Variants in RGS1 observed in about 807,000 individuals in gnomAD.
The protein encoded by RGS1 is regulator of G protein signaling 1.
In RGS1, 11 loss-of-function variants were observed where a neutral mutation model predicts 22.2. The observed-to-expected ratio is 0.50, with a 90% CI of 0.31 to 0.82. RGS1 has a LOEUF of 0.82. Ranked by LOEUF, RGS1 falls within the 40% of genes least tolerant of loss-of-function variation. The probability of loss-of-function intolerance (pLI) is 0.04; values close to 1 mark genes in which losing one functional copy is unlikely to be tolerated. For missense variants in RGS1, 255 were observed against 245.8 expected (o/e 1.04, Z -0.25); for synonymous variants, 81 against 79.9 (o/e 1.01, Z -0.07).
intron 3 of RGS1, chr1:192,577,521 C>A (rs1184942305): frequency 6.6e-6 from 1 of 152,058 alleles, no homozygotes; most frequent in Non-Finnish European, 1.5e-5. Flanking sequence ...AGATTAGGAC[C>A]TTTTTCAGAG....
chr1:192,575,796 C>T lies in RGS1; in HGVS notation c.4C>T (p.Arg2Cys), dbSNP rs199651205. M[R>C]AAAISTPKLD... ...GCGCATATTTGCTAAGAGCACCATG[C>T]GCGCAGCAGCCATCTCCACTCCAAA... Residue 2 changes from arginine (R) to cysteine (C), a missense_variant, in exon 1 of 5, where the codon CGC becomes TGC. Transcript: ENST00000367459. 30 of 1,612,880 alleles carry T rather than the reference C, an allele frequency of 1.9e-5. No individual in the cohort carries two copies. Among genetic ancestry groups the T allele is most frequent in the Non-Finnish European group, 2.3e-5 (27 of 1,179,224 alleles).
At chr1:192,577,033 C>T (rs1367176357) in intron 3 of RGS1, 198 bp downstream of exon 3, 3 of 420,120 alleles carry the variant, frequency 7.1e-6, no homozygotes, top group Non-Finnish European at 8.4e-6. Flanking sequence ...TCCTTTTAGA[C>T]AAATTTGCCA....
Position 192,579,229 on chromosome 1 carries a change from T to C in RGS1, c.537T>C (p.Tyr179=), listed in dbSNP as rs118185025. The stretch of plus-strand genomic sequence containing the variant: ...TTGATGAAGCACAAAAAGTCATATA[T>C]ACTCTTATGGAAAAGGACTCTTATC... ...TCFDEAQKVI[Y]TLMEKDSYPR... is the part of the protein sequence containing the mutation. Residue 179 remains tyrosine, a synonymous_variant, in exon 5 of 5, where the codon TAT becomes TAC. Coordinates refer to ENST00000367459, the MANE Select transcript of RGS1 (RefSeq NM_002922.4). 1.5e-3 allele frequency: 2,377 copies of C among 1,613,334 alleles called. 50 individuals are homozygous for C. In the East Asian group the frequency reaches 0.034, roughly 23 times the overall value.
chr1:192,578,094 T>C (rs931117192), intron 3 of RGS1, 128 bp from the exon 4 acceptor site: 1 of 1,079,824 alleles, frequency 9.3e-7, no homozygotes, highest in Admixed American at 2.6e-5. Context: ...ATTTCAGCAG[T>C]AGCTGTCTCT....
intron 2 of RGS1, 29 bp from the exon 3 acceptor site, chr1:192,576,745 C>T (rs1361779297): frequency 1.9e-6 from 3 of 1,589,980 alleles, no homozygotes; most frequent in East Asian, 2.3e-5. Flanking sequence ...TAAAAATTGA[C>T]TAATGTATGT....
chr1:192,577,858 T>C (rs575580371), intron 3 of RGS1: 2 of 194,964 alleles, frequency 1.0e-5, no homozygotes, highest in East Asian at 2.6e-4. Context: ...AGTGTTTGCT[T>C]TCCTAAAATA....
intron 4 of RGS1, chr1:192,578,700 GA>G: frequency 2.2e-6 from 1 of 453,994 alleles, no homozygotes; most frequent in Non-Finnish European, 3.8e-6. Context: ...TTTTGGATAA[GA>G]AAATGCAGAT....
rs371716956 is a variant in RGS1 at position 192,576,378 on chromosome 1, A to T, written c.218+13A>T. Reference sequence around the variant, plus strand: ...AGTCCAAGGATGTGTAAGTACACTAATACACTAAACTATCATTATCATTTA... The same window carrying T: ...AGTCCAAGGATGTGTAAGTACACTATTACACTAAACTATCATTATCATTTA... On this transcript the variant is annotated intron_variant, in intron 2 of 4. Coordinates refer to ENST00000367459, the MANE Select transcript of RGS1 (RefSeq NM_002922.4). The T allele has an allele frequency of 1.9e-6, 3 of 1,557,674 alleles. No individual in the cohort carries two copies. In the African/African-American group the frequency reaches 4.1e-5, roughly 21 times the overall value.
intron 3 of RGS1, chr1:192,577,918 C>A: frequency 6.3e-6 from 2 of 318,716 alleles, no homozygotes; most frequent in Non-Finnish European, 1.2e-5. Flanking sequence ...GTTTTATATT[C>A]AGTGGAGCAG....
In RGS1 at chr1:192,578,262, C is replaced by T; in HGVS notation, c.321C>T (p.Phe107=). The change falls in exon 4 of 5, where the codon TTC becomes TTT. Residue 107 remains phenylalanine, a synonymous_variant. Transcript: ENST00000367459. The part of the protein sequence containing the change: ...NVFGSFLKSE[F]SEENIEFWLA... ...TTGGAAGTTTCCTAAAGTCTGAATT[C>T]AGTGAGGAGAATATTGAGTTCTGGC... is the stretch of plus-strand genomic sequence containing the variant. The T allele has an allele frequency of 6.5e-7, 1 of 1,546,102 alleles. No individual in the cohort carries two copies. Among genetic ancestry groups the T allele is most frequent in the South Asian group, 1.1e-5 (1 of 90,034 alleles).
chr1:192,576,819 A>C lies in RGS1; in HGVS notation c.264A>C (p.Lys88Asn). ...EVMQWSQSLE[K>N]LLANQTGQNV... ...TGCAATGGTCTCAATCTCTGGAAAA[A>C]CTTCTTGCCAACCAAAGTAAGTATA... The change falls in exon 3 of 5, where the codon AAA (lysine) becomes AAC (asparagine). Residue 88 changes from lysine (K) to asparagine (N), a missense_variant. By Grantham distance (94) the Lys-to-Asn change is moderately conservative (BLOSUM62 0). Coordinates refer to ENST00000367459, the MANE Select transcript of RGS1 (RefSeq NM_002922.4). 6.2e-7 allele frequency: 1 copy of C among 1,611,854 alleles called. No homozygotes were observed. Among genetic ancestry groups the C allele is most frequent in the Non-Finnish European group, 8.5e-7 (1 of 1,178,844 alleles).
intron 3 of RGS1, chr1:192,577,941 A>G (rs966486354): frequency 1.7e-5 from 6 of 357,716 alleles, no homozygotes; most frequent in Admixed American, 4.4e-5. Context: ...TTTCAATTCA[A>G]ACCGCGGATA....
rs1249178663 is a variant in RGS1, at chr1:192,575,870, G to C, written c.78G>C (p.Leu26Phe). The change falls in exon 1 of 5, where the codon TTG (leucine) becomes TTC (phenylalanine). Residue 26 changes from leucine to phenylalanine, a missense_variant. Transcript: ENST00000367459. The part of the protein sequence containing the change: ...GMFFSANPKE[L>F]KGTTHSLLDD... ...TCTTCTCTGCTAACCCAAAGGAATT[G>C]AAAGGAACCACTCATTCACTTCTAG... 2 of 1,613,376 alleles carry C rather than the reference G, an allele frequency of 1.2e-6. No individual in the cohort carries two copies. The highest frequency in any genetic ancestry group is 2.2e-5 in the South Asian group (2 of 91,056).
intron 1 of RGS1, 106 bp from the exon 2 acceptor site, chr1:192,576,179 C>T (rs1662054934): frequency 4.5e-5 from 45 of 1,007,586 alleles, no homozygotes; most frequent in Non-Finnish European, 6.6e-5. Flanking sequence ...GTTGTATCAA[C>T]CATTTTTAGT....
chr1:192,579,550 T>C lies in RGS1; in HGVS notation c.*228T>C. The C allele has an allele frequency of 4.5e-6, 2 of 446,960 alleles. No individual in the cohort carries two copies. Among genetic ancestry groups the C allele is most frequent in the Non-Finnish European group, 7.9e-6 (2 of 254,018 alleles). The allele number at this position is 446,960 out of a possible 1,614,324, so 27.7% of individuals were successfully genotyped here. On this transcript the variant is annotated 3_prime_UTR_variant, in exon 5 of 5. Coordinates refer to ENST00000367459, the MANE Select transcript of RGS1 (RefSeq NM_002922.4). ...GAAGGAGGAAGATACTGTGGTACTG[T>C]CATAAAAAACAGTGGAGCTCTGTAT...
In RGS1 at chr1:192,579,994, G is replaced by T. The variant is rs555669655; in HGVS notation, c.*672G>T. The T allele has an allele frequency of 4.6e-5, 7 of 152,052 alleles. No individual in the cohort carries two copies. The highest frequency in any genetic ancestry group is 1.7e-4 in the African/African-American group (7 of 41,510). 9.4% of individuals were successfully genotyped at this position (152,052 alleles called of 1,614,324 possible). A position where few individuals can be genotyped will look rare whatever the true frequency, so the allele number is the denominator to read the frequency against. On this transcript the variant is annotated 3_prime_UTR_variant, in exon 5 of 5. Coordinates refer to ENST00000367459, the MANE Select transcript of RGS1 (RefSeq NM_002922.4). ...TTTAAAAACTTGCATTTATTCCTCA[G>T]ATTTTAAAAATAAATAAATAATTCA...
chr1:192,579,376 G>T lies in RGS1; in HGVS notation c.*54G>T. On this transcript the variant is annotated 3_prime_UTR_variant, in exon 5 of 5. Coordinates refer to ENST00000367459, the MANE Select transcript of RGS1 (RefSeq NM_002922.4). The stretch of plus-strand genomic sequence containing the variant: ...ATAGTATCAAGCGCAGAAGGAATGT[G>T]CCAGTATGGCTCCCTGGGTGAACAG... The T allele has an allele frequency of 6.4e-7, 1 of 1,554,932 alleles. No individual in the cohort carries two copies. Among genetic ancestry groups the T allele is most frequent in the East Asian group, 2.3e-5 (1 of 44,184 alleles).
chr1:192,578,940 A>G, intron 4 of RGS1, 197 bp from the exon 5 acceptor site: 1 of 559,030 alleles, frequency 1.8e-6, no homozygotes, highest in Non-Finnish European at 3.0e-6. Context: ...GAAATTTGGA[A>G]CAAAGACATT....
At position 192,575,911 on chromosome 1, in the gene RGS1, A is replaced by C; in HGVS notation, c.119A>C (p.Lys40Thr). 6.2e-7 allele frequency: 1 copy of C among 1,613,090 alleles called. No individual in the cohort carries two copies. Among genetic ancestry groups the C allele is most frequent in the African/African-American group, 1.3e-5 (1 of 75,006 alleles). Residue 40 changes from lysine to threonine, a missense_variant, in exon 1 of 5, where the codon AAA becomes ACA. By Grantham distance (78) the Lys-to-Thr change is moderately conservative (BLOSUM62 -1). Coordinates refer to ENST00000367459, the MANE Select transcript of RGS1 (RefSeq NM_002922.4). ...THSLLDDKMQKRRPKTFGMDM... is the reference protein window; with the variant it reads ...THSLLDDKMQTRRPKTFGMDM... ...TCACTTCTAGACGACAAAATGCAAA[A>C]AAGGAGGCCAAAGACTTTGTAAGTT...
Sources: allele counts gnomAD v4.1 joint callset, GRCh38; gene constraint gnomAD v4.1.1; transcripts MANE v1.5; gene names NCBI Gene and HGNC (gene_info 2026-07-23, HGNC 2026-07-21).